Variants in PAX5 observed in about 807,000 individuals in gnomAD.
The protein encoded by PAX5 is paired box protein Pax-5.
A neutral mutation model predicts 43.7 loss-of-function variants in PAX5; 9 were observed. The ratio of observed to expected loss-of-function variants is 0.21; its 90% CI spans 0.12 to 0.36. PAX5 has a LOEUF of 0.36. Among genes scored for constraint, PAX5 ranks in the 10% least tolerant of loss-of-function variants. The pLI is 1.00. For missense variants in PAX5, 383 were observed against 532.7 expected (o/e 0.72, Z 2.77); for synonymous variants, 228 against 214.3 (o/e 1.06, Z -0.56).
chr9:36,938,406 T>G (rs893760461), intron 6 of PAX5, among the ~76,000 whole-genome samples: 1 of 152,194 alleles, frequency 6.6e-6, no homozygotes, highest in Non-Finnish European at 1.5e-5. Flanking sequence ...CACACACATA[T>G]ATTAATTTAG....
At chr9:36,897,581 G>T (rs1429838374) in intron 7 of PAX5, among the ~76,000 whole-genome samples, 1 of 152,158 alleles carries the variant, frequency 6.6e-6, no homozygotes, top group Non-Finnish European at 1.5e-5. Context: ...TTCTGCAGGT[G>T]AGAAGAAGAA....
At chr9:37,030,746 TC>T (rs1303081236) in intron 1 of PAX5, among the ~76,000 whole-genome samples, 1 of 152,202 alleles carries the variant, frequency 6.6e-6, no homozygotes, top group African/African-American at 2.4e-5. Context: ...CCTCCCGGCT[TC>T]CCTTTCCACG....
rs1198638025 is a variant in PAX5, at chr9:36,881,947, C to T, written c.1012+57G>A. On this transcript the variant is annotated intron_variant, in intron 8 of 9. Coordinates refer to ENST00000358127, the MANE Select transcript of PAX5 (RefSeq NM_016734.3). ...CCCAGGCTGTTTGGGGGGGGATGTCCCCCCACCGAAACCCCGTCCGCTGCC... is the reference window on the plus strand; with the variant it reads ...CCCAGGCTGTTTGGGGGGGGATGTCTCCCCACCGAAACCCCGTCCGCTGCC... 4.0e-5 allele frequency: 52 copies of T among 1,294,320 alleles called. 1 individual carries two copies. The highest frequency in any genetic ancestry group is 5.7e-5 in the Non-Finnish European group (52 of 910,616). 80.2% of individuals were successfully genotyped at this position (1,294,320 alleles called of 1,614,324 possible).
intron 7 of PAX5, among the ~76,000 whole-genome samples, chr9:36,902,490 T>G (rs1203747636): frequency 6.6e-6 from 1 of 152,080 alleles, no homozygotes; most frequent in Non-Finnish European, 1.5e-5. Context: ...TCCGGGAGGG[T>G]GCCGTGGGCA....
At chr9:36,978,547 A>G (rs1232559285) in intron 5 of PAX5, among the ~76,000 whole-genome samples, 1 of 152,140 alleles carries the variant, frequency 6.6e-6, no homozygotes, top group Non-Finnish European at 1.5e-5. Flanking sequence ...AATCATATTT[A>G]CTCTGATATC....
chr9:36,972,737 A>C (rs1055861884), intron 5 of PAX5, among the ~76,000 whole-genome samples: 8 of 152,160 alleles, frequency 5.3e-5, no homozygotes, highest in African/African-American at 1.7e-4. Context: ...GTTTGAAACT[A>C]TGAAAATAGG....
chr9:36,978,401 G>A (rs1162328571), intron 5 of PAX5, among the ~76,000 whole-genome samples: 1 of 152,094 alleles, frequency 6.6e-6, no homozygotes, highest in Non-Finnish European at 1.5e-5. Flanking sequence ...GAATGTGAAA[G>A]GCTTCATTTT....
chr9:36,862,558 T>C (rs985690991), intron 8 of PAX5, among the ~76,000 whole-genome samples: 3 of 152,116 alleles, frequency 2.0e-5, no homozygotes, highest in Non-Finnish European at 4.4e-5. Context: ...GGATCCATCA[T>C]GCTATGACCC....
chr9:36,984,586 G>C (rs1166402948), intron 5 of PAX5, among the ~76,000 whole-genome samples: 1 of 151,738 alleles, frequency 6.6e-6, no homozygotes, highest in African/African-American at 2.4e-5. Context: ...GATTACAGGT[G>C]CACACAACCA....
intron 8 of PAX5, among the ~76,000 whole-genome samples, chr9:36,859,471 T>A (rs1823986241): frequency 6.6e-6 from 1 of 151,874 alleles, no homozygotes; most frequent in Non-Finnish European, 1.5e-5. Flanking sequence ...TCTCCCTCCC[T>A]CCCCCTGCCA....
At chr9:36,980,158 G>A (rs1049747941) in intron 5 of PAX5, among the ~76,000 whole-genome samples, 16 of 152,372 alleles carry the variant, frequency 1.1e-4, no homozygotes, top group Middle Eastern at 6.8e-3. Context: ...TATGCTTAGG[G>A]AAATCAGGAA....
chr9:37,020,744 T>G lies in PAX5; in HGVS notation c.104A>C (p.Asp35Ala). 1 of 1,613,988 alleles carries G rather than the reference T, an allele frequency of 6.2e-7. No homozygotes were observed. The highest frequency in any genetic ancestry group is 8.5e-7 in the Non-Finnish European group (1 of 1,180,014). ...GVFVNGRPLPDVVRQRIVELA... is the reference protein window; with the variant it reads ...GVFVNGRPLPAVVRQRIVELA... ...TTCCACTATCCTCTGGCGGACTACA[T>G]CCGGGAGTGGCCGTCCATTCACAAA... Residue 35 changes from aspartate (D) to alanine (A), a missense_variant, in exon 2 of 10, where the codon GAT (aspartate) becomes GCT (alanine). Transcript: ENST00000358127.
chr9:37,032,675 A>C (rs1841101538), intron 1 of PAX5, among the ~76,000 whole-genome samples: 1 of 152,118 alleles, frequency 6.6e-6, no homozygotes, highest in Non-Finnish European at 1.5e-5. Context: ...GGGCACAGAG[A>C]TGGGGGAAGG....
intron 6 of PAX5, among the ~76,000 whole-genome samples, chr9:36,927,571 G>A (rs756496142): frequency 7.9e-5 from 12 of 152,124 alleles, no homozygotes; most frequent in South Asian, 2.1e-4. Flanking sequence ...CGGGAGGTCC[G>A]AAAATCCAGG....
intron 4 of PAX5, among the ~76,000 whole-genome samples, chr9:37,004,097 C>T (rs55882407): frequency 0.016 from 2,428 of 152,378 alleles, 28 homozygotes; most frequent in South Asian, 0.041. Flanking sequence ...GGCACCAGAA[C>T]TTAGCCTTGG....
intron 5 of PAX5, among the ~76,000 whole-genome samples, chr9:36,968,779 C>T (rs1157127530): frequency 2.0e-5 from 3 of 152,220 alleles, no homozygotes. Context: ...GGCCCATCCC[C>T]ATGGGGACCA....
chr9:36,876,476 G>T (rs576337172), intron 8 of PAX5, among the ~76,000 whole-genome samples: 48 of 152,270 alleles, frequency 3.2e-4, no homozygotes, highest in African/African-American at 1.1e-3. Flanking sequence ...AAGCCAAAGG[G>T]CAATGAACTC....
intron 3 of PAX5, among the ~76,000 whole-genome samples, chr9:37,009,595 T>C (rs1273921971): frequency 6.6e-6 from 1 of 152,056 alleles, no homozygotes; most frequent in African/African-American, 2.4e-5. Context: ...ATAGAAAGAA[T>C]GAATAAGACC....
Position 36,983,139 on chromosome 9 carries a change from C to T in PAX5, c.605-16415G>A, listed in dbSNP as rs140125007. 3.9e-5 allele frequency among the ~76,000 whole-genome samples: 6 copies of T among 152,228 alleles called. No homozygotes were observed. In the East Asian group the frequency reaches 7.7e-4, roughly 20 times the overall value. On this transcript the variant is annotated intron_variant, in intron 5 of 9. Transcript: ENST00000358127. ...AGCCATGAACATAACTCTGTGTTTC[C>T]GACATACACAGAGATTTGGTGTTTT...
Sources: allele counts gnomAD v4.1 joint callset (sites outside exome capture counted in the v4.1 genomes callset), GRCh38; gene constraint gnomAD v4.1.1; transcripts MANE v1.5; gene names NCBI Gene and HGNC (gene_info 2026-07-23, HGNC 2026-07-21).